The following COL23A1 variants were observed in gnomAD, a reference collection of about 807,000 sequenced individuals.
COL23A1 encodes collagen type XXIII alpha 1 chain.
In COL23A1, 97 loss-of-function variants were observed where a neutral mutation model predicts 99.3. The observed-to-expected ratio is 0.98, with a 90% CI of 0.83 to 1.16. COL23A1 has a LOEUF of 1.16. Among genes scored for constraint, COL23A1 ranks in the 50% most tolerant of loss-of-function variants. The pLI is 0.00. For missense variants in COL23A1, 762 were observed against 757.4 expected (o/e 1.01, Z -0.07); for synonymous variants, 320 against 308.2 (o/e 1.04, Z -0.40).
At chr5:178,522,935 A>G (rs1428711849) in intron 2 of COL23A1, among the ~76,000 whole-genome samples, 1 of 151,676 alleles carries the variant, frequency 6.6e-6, no homozygotes, top group Non-Finnish European at 1.5e-5. Flanking sequence ...CATTTCGGGA[A>G]TGAGTTGGGC....
At chr5:178,518,618 GAT>G (rs1357832616) in intron 2 of COL23A1, among the ~76,000 whole-genome samples, 4,230 of 133,206 alleles carry the variant, frequency 0.032, 148 homozygotes, top group African/African-American at 0.089. Flanking sequence ...CATCTCAGAC[GAT>G]GGGCGGCCGG....
intron 17 of COL23A1, among the ~76,000 whole-genome samples, chr5:178,252,007 A>C (rs996415817): frequency 6.7e-5 from 10 of 149,256 alleles, no homozygotes; most frequent in Non-Finnish European, 1.2e-4. Context: ...TCTGCCTCCC[A>C]GGTTCAAGCG....
intron 2 of COL23A1, among the ~76,000 whole-genome samples, chr5:178,399,654 G>A (rs1338671397): frequency 6.6e-6 from 1 of 152,170 alleles, no homozygotes; most frequent in Non-Finnish European, 1.5e-5. Context: ...CAAGGGTTGT[G>A]GGGAGGGTAG....
intron 2 of COL23A1, among the ~76,000 whole-genome samples, chr5:178,539,798 C>T (rs1436754352): frequency 6.6e-6 from 1 of 152,102 alleles, no homozygotes; most frequent in African/African-American, 2.4e-5. Context: ...TAACCTTATA[C>T]CAAAACTGGA....
intron 2 of COL23A1, among the ~76,000 whole-genome samples, chr5:178,328,784 A>G (rs538327681): frequency 2.2e-4 from 34 of 152,320 alleles, no homozygotes; most frequent in African/African-American, 8.2e-4. Flanking sequence ...ACGGTTATAG[A>G]GGTAACGCAA....
chr5:178,443,135 A>G (rs112320916), intron 2 of COL23A1: 107 of 152,282 alleles, frequency 7.0e-4, no homozygotes, highest in African/African-American at 2.5e-3. Context: ...TCCTCACCCC[A>G]CCCACCTACA....
intron 2 of COL23A1, among the ~76,000 whole-genome samples, chr5:178,371,777 C>T (rs1014222130): frequency 2.0e-5 from 3 of 152,172 alleles, no homozygotes; most frequent in African/African-American, 7.2e-5. Context: ...CTCGGCCACC[C>T]AGCTGAGCCC....
At chr5:178,398,500 GCCTATAGT>G (rs907294088) in intron 2 of COL23A1, among the ~76,000 whole-genome samples, 5 of 152,024 alleles carry the variant, frequency 3.3e-5, no homozygotes, top group African/African-American at 1.2e-4. Flanking sequence ...GGTGGCACGT[GCCTATAGT>G]CCCAGCTACT....
intron 2 of COL23A1, among the ~76,000 whole-genome samples, chr5:178,540,128 T>A (rs570339931): frequency 2.8e-4 from 43 of 152,330 alleles, no homozygotes; most frequent in African/African-American, 1.0e-3. Context: ...CCAGGATGCC[T>A]GCTATTTCCA....
intron 2 of COL23A1, chr5:178,440,014 A>T (rs537822128): frequency 6.6e-6 from 1 of 152,250 alleles, no homozygotes; most frequent in East Asian, 1.9e-4. Context: ...GGGCTGGGGG[A>T]AGGAACGGGG....
At chr5:178,416,047 C>T (rs1462523964) in intron 2 of COL23A1, among the ~76,000 whole-genome samples, 4 of 152,186 alleles carry the variant, frequency 2.6e-5, no homozygotes, top group African/African-American at 9.7e-5. Context: ...GAGTCCCAAA[C>T]ATCAGCTGCC....
chr5:178,314,989 T>G (rs139371567), intron 2 of COL23A1, among the ~76,000 whole-genome samples: 15 of 152,276 alleles, frequency 9.9e-5, no homozygotes, highest in African/African-American at 3.4e-4. Context: ...GCCCAGGATG[T>G]CTCTCAGAGG....
chr5:178,410,565 A>G (rs907615339), intron 2 of COL23A1, among the ~76,000 whole-genome samples: 8 of 152,240 alleles, frequency 5.3e-5, no homozygotes, highest in African/African-American at 1.9e-4. Context: ...GTCAAACTCA[A>G]TATCTACATG....
intron 2 of COL23A1, among the ~76,000 whole-genome samples, chr5:178,498,249 T>TATATAA: frequency 1.7e-5 from 1 of 57,764 alleles, no homozygotes; most frequent in Non-Finnish European, 2.8e-5. Context: ...TATATATATA[T>TATATAA]ATATATATAA....
chr5:178,525,058 C>T (rs1039558854), intron 2 of COL23A1, among the ~76,000 whole-genome samples: 8 of 150,668 alleles, frequency 5.3e-5, no homozygotes, highest in South Asian at 2.1e-4. Flanking sequence ...GGCGACACAG[C>T]GCGCAGACCC....
chr5:178,578,425 T>C (rs1763503145), intron 1 of COL23A1, among the ~76,000 whole-genome samples: 1 of 152,102 alleles, frequency 6.6e-6, no homozygotes, highest in African/African-American at 2.4e-5. Flanking sequence ...CAGGAGGTAA[T>C]ATAACCGCCC....
At chr5:178,462,100 A>G (rs2127903482) in intron 2 of COL23A1, among the ~76,000 whole-genome samples, 1 of 152,366 alleles carries the variant, frequency 6.6e-6, no homozygotes, top group Admixed American at 6.5e-5. Context: ...TTTTGGAAGG[A>G]TGGGAGGAGG....
chr5:178,420,524 C>T (rs1324023277), intron 2 of COL23A1, among the ~76,000 whole-genome samples: 4 of 79,170 alleles, frequency 5.1e-5, no homozygotes, highest in Non-Finnish European at 5.3e-5. Flanking sequence ...CTCTCCTCCC[C>T]CTCCTCACTT....
At position 178,589,843 on chromosome 5, in the gene COL23A1, G is replaced by T; in HGVS notation, c.294+61C>A. On this transcript the variant is annotated intron_variant, in intron 1 of 28. Coordinates refer to ENST00000390654, the MANE Select transcript of COL23A1 (RefSeq NM_173465.4). The surrounding 1 kb of genome is among the most constrained non-coding windows in gnomAD (Gnocchi z 5.4). ...CTGCACGCTGCCCCCGGCTCCCAGCGTACCGCCACCCTCAACCCGACACAC... is the reference window on the plus strand; with the variant it reads ...CTGCACGCTGCCCCCGGCTCCCAGCTTACCGCCACCCTCAACCCGACACAC... 8.1e-7 allele frequency: 1 copy of T among 1,241,206 alleles called. No homozygotes were observed. Among genetic ancestry groups the T allele is most frequent in the Non-Finnish European group, 1.0e-6 (1 of 990,066 alleles). The allele number at this position is 1,241,206 out of a possible 1,614,324, so 76.9% of individuals were successfully genotyped here.
Sources: allele counts gnomAD v4.1 joint callset (sites outside exome capture counted in the v4.1 genomes callset), GRCh38; gene constraint gnomAD v4.1.1; non-coding constraint Gnocchi (gnomAD v3.1); transcripts MANE v1.5; gene names NCBI Gene and HGNC (gene_info 2026-07-23, HGNC 2026-07-21).